FMN2: variants seen among roughly 807,000 people sequenced by gnomAD.
FMN2 encodes formin-2.
In FMN2, 51 loss-of-function variants were observed where a neutral mutation model predicts 142.3. The observed-to-expected ratio is 0.36, with a 90% CI of 0.29 to 0.45. The LOEUF (loss-of-function observed/expected upper bound fraction) is 0.45, where lower values mean the gene tolerates loss of function less well. FMN2 is among the 20% of genes least tolerant of loss of function. The probability of loss-of-function intolerance (pLI) is 1.00; values close to 1 mark genes in which losing one functional copy is unlikely to be tolerated. For missense variants in FMN2, 1,936 were observed against 2,122.8 expected, an observed-to-expected ratio of 0.91 and a Z score of 1.73; for synonymous variants, 882 against 869.8, an observed-to-expected ratio of 1.01 and a Z score of -0.25.
chr1:240,266,020 C>CTTT (rs10680119), intron 7 of FMN2, among the ~76,000 whole-genome samples: 49,288 of 136,090 alleles, frequency 0.36, 9,471 homozygotes, highest in East Asian at 0.53. Context: ...CTGTTACTTC[C>CTTT]TTTTTTTTTT....
intron 2 of FMN2, among the ~76,000 whole-genome samples, chr1:240,159,198 T>G (rs1028309156): frequency 6.6e-6 from 1 of 152,152 alleles, no homozygotes; most frequent in African/African-American, 2.4e-5. Context: ...TCTGTGTTTT[T>G]TTTTTAAATC....
intron 2 of FMN2, among the ~76,000 whole-genome samples, chr1:240,138,511 C>T (rs899839559): frequency 4.0e-5 from 6 of 151,594 alleles, no homozygotes; most frequent in Non-Finnish European, 5.9e-5. Flanking sequence ...ACCAGCCTGG[C>T]CAAATTGGTG....
intron 7 of FMN2, among the ~76,000 whole-genome samples, chr1:240,260,335 T>C (rs893601970): frequency 1.3e-5 from 2 of 152,208 alleles, no homozygotes; most frequent in African/African-American, 4.8e-5. Flanking sequence ...CACACTGTTT[T>C]CCATAGTGGT....
rs142743610 is a variant in FMN2, at chr1:240,107,515, T to A, written c.1615+13791T>A. ...AAATTAAAAAAACATTTTTCTTTTG[T>A]CTTTCTATAGTTTTTCCCTTTTAAT... is the stretch of plus-strand genomic sequence containing the variant. On this transcript the variant is annotated intron_variant, in intron 1 of 17. Coordinates refer to ENST00000319653, the MANE Select transcript of FMN2 (RefSeq NM_020066.5). 6.0e-3 allele frequency among the ~76,000 whole-genome samples: 915 copies of A among 152,314 alleles called. 3 individuals carry two copies. Among genetic ancestry groups the A allele is most frequent in the South Asian group, 0.032 (153 of 4,828 alleles).
chr1:240,202,546 C>A (rs1213738152), intron 4 of FMN2, among the ~76,000 whole-genome samples: 2 of 152,078 alleles, frequency 1.3e-5, no homozygotes, highest in African/African-American at 4.8e-5. Flanking sequence ...GTCTCCCAGG[C>A]TGGACTCCTG....
intron 14 of FMN2, among the ~76,000 whole-genome samples, chr1:240,391,796 A>C (rs917374211): frequency 1.3e-5 from 2 of 151,120 alleles, no homozygotes; most frequent in African/African-American, 4.9e-5. Flanking sequence ...AAGGTGAAGT[A>C]GTACATAATT....
At position 240,188,918 on chromosome 1, in the gene FMN2, A is replaced by G. The variant is rs186223506; in HGVS notation, c.1986+656A>G. ...AAGGCAAAAAAGAGCTTGTGCAGAG[A>G]AACTCCCATTTTTAAAACCATTAGA... On this transcript the variant is annotated intron_variant, in intron 4 of 17. Coordinates refer to ENST00000319653, the MANE Select transcript of FMN2 (RefSeq NM_020066.5). Among the ~76,000 whole-genome samples the G allele has an allele frequency of 6.6e-5, 10 of 152,266 alleles. 1 individual carries two copies. The highest frequency in any genetic ancestry group is 3.4e-3 in the Middle Eastern group (1 of 294).
chr1:240,472,302 A>G (rs1676837545), intron 16 of FMN2, 70 bp from the exon 17 acceptor site: 1 of 1,091,096 alleles, frequency 9.2e-7, no homozygotes, highest in South Asian at 1.4e-5. Flanking sequence ...AGGTTTGCTC[A>G]CTTACTATAA....
intron 16 of FMN2, among the ~76,000 whole-genome samples, chr1:240,457,258 G>A (rs1259491175): frequency 1.3e-5 from 2 of 152,276 alleles, no homozygotes; most frequent in East Asian, 3.9e-4. Flanking sequence ...GACAAATCCT[G>A]GGAAGCATGA....
At chr1:240,438,379 G>A (rs1675477536) in intron 16 of FMN2, among the ~76,000 whole-genome samples, 169 bp downstream of exon 16, 1 of 152,168 alleles carries the variant, frequency 6.6e-6, no homozygotes, top group Non-Finnish European at 1.5e-5. Context: ...GTTTTAATAA[G>A]AAGAGTCAGC....
intron 2 of FMN2, among the ~76,000 whole-genome samples, chr1:240,135,490 A>T (rs1470070188): frequency 6.6e-6 from 1 of 152,148 alleles, no homozygotes; most frequent in Non-Finnish European, 1.5e-5. Flanking sequence ...TGCACTTGTT[A>T]TATGGTTTGA....
In FMN2 at chr1:240,112,677, T is replaced by C. The variant is rs151092392; in HGVS notation, c.1616-10502T>C. On this transcript the variant is annotated intron_variant, in intron 1 of 17. Coordinates refer to ENST00000319653, the MANE Select transcript of FMN2 (RefSeq NM_020066.5). ...AGATGATTTTATCAGCTTTTGAGAA[T>C]TTTCTCCACTTGCAGTGTTGCTGCA... 7.7e-3 allele frequency among the ~76,000 whole-genome samples: 1,167 copies of C among 152,336 alleles called. 14 individuals carry two copies. The highest frequency in any genetic ancestry group is 0.027 in the African/African-American group (1,105 of 41,570).
At chr1:240,228,067 G>A (rs12724499) in intron 6 of FMN2, among the ~76,000 whole-genome samples, 48,000 of 151,658 alleles carry the variant, frequency 0.32, 8,526 homozygotes, top group African/African-American at 0.49. Context: ...ACTTTGGGAG[G>A]CCGAGGCGGG....
intron 11 of FMN2, 23 bp downstream of exon 11, chr1:240,330,772 C>T (rs551727215): frequency 7.4e-5 from 119 of 1,608,480 alleles, no homozygotes; most frequent in Non-Finnish European, 9.1e-5. Flanking sequence ...CATGAGTGGA[C>T]GTAAGCACAT....
At chr1:240,284,435 C>T (rs1669517222) in intron 7 of FMN2, among the ~76,000 whole-genome samples, 1 of 152,108 alleles carries the variant, frequency 6.6e-6, no homozygotes, top group African/African-American at 2.4e-5. Flanking sequence ...TCCTAATAAA[C>T]TCAAAGATAT....
At chr1:240,240,366 C>T (rs531494187) in intron 6 of FMN2, among the ~76,000 whole-genome samples, 1 of 152,278 alleles carries the variant, frequency 6.6e-6, no homozygotes, top group Non-Finnish European at 1.5e-5. Flanking sequence ...AAACTAAAGC[C>T]CTTTATTATG....
rs72475042 is a variant in FMN2 at position 240,207,548 on chromosome 1, C to T, written c.2736C>T (p.Pro912=). The change falls in exon 5 of 18, where the codon CCC becomes CCT. Residue 912 remains proline, a synonymous_variant. Coordinates refer to ENST00000319653, the MANE Select transcript of FMN2 (RefSeq NM_020066.5). ...GTACAGAAATGCTGCCACCCCCTCC[C>T]CCTCCTCTTCCCGGAGCGGGCATAC... ...LQGTEMLPPP[P]PPLPGAGIPP... 1.9e-4 allele frequency: 304 copies of T among 1,612,284 alleles called. 3 individuals carry two copies. In the East Asian group the frequency reaches 6.1e-3, roughly 32 times the overall value.
chr1:240,308,071 C>T (rs1011686709), intron 8 of FMN2, among the ~76,000 whole-genome samples: 9 of 152,044 alleles, frequency 5.9e-5, no homozygotes, highest in Admixed American at 2.0e-4. Flanking sequence ...AAGGATGTTG[C>T]CCAGGATGGT....
chr1:240,238,390 A>T (rs1372844633), intron 6 of FMN2, among the ~76,000 whole-genome samples: 1 of 152,204 alleles, frequency 6.6e-6, no homozygotes, highest in Non-Finnish European at 1.5e-5. Flanking sequence ...TTGGGTAAAG[A>T]CATTAAAACT....
Sources: gnomAD v4.1 joint callset for allele counts (sites outside exome capture counted in the v4.1 genomes callset) on GRCh38, gnomAD v4.1.1 for gene constraint, MANE v1.5 for transcripts, NCBI Gene and HGNC (gene_info 2026-07-23, HGNC 2026-07-21) for gene names.